The following ANKRD44 variants were observed in gnomAD, a reference collection of about 807,000 sequenced individuals.
ANKRD44 encodes ankyrin repeat domain 44, also known as serine/threonine-protein phosphatase 6 regulatory ankyrin repeat subunit B.
In ANKRD44, 35 loss-of-function variants were observed where a neutral mutation model predicts 116.0. The observed-to-expected ratio is 0.30, with a 90% CI of 0.23 to 0.40. The LOEUF (loss-of-function observed/expected upper bound fraction) is 0.40. Ranked by LOEUF, ANKRD44 falls within the 10% of genes least tolerant of loss-of-function variation. ANKRD44 has a pLI of 1.00. For missense variants in ANKRD44, 1,014 were observed against 1,242.6 expected (o/e 0.82, Z 2.77); for synonymous variants, 435 against 461.8 (o/e 0.94, Z 0.74).
At chr2:197,107,528 A>G (rs1183295270) in intron 9 of ANKRD44, among the ~76,000 whole-genome samples, 1 of 151,188 alleles carries the variant, frequency 6.6e-6, no homozygotes, top group Non-Finnish European at 1.5e-5. Context: ...TTTTTTTTTC[A>G]TTATTGTCTT....
chr2:197,098,117 G>C (rs944110365), intron 10 of ANKRD44, among the ~76,000 whole-genome samples: 3 of 151,868 alleles, frequency 2.0e-5, no homozygotes, highest in Admixed American at 6.6e-5. Flanking sequence ...ATCTTTTCTG[G>C]GGGATCCAGA....
In ANKRD44 at chr2:196,996,680, G is replaced by A. The variant is rs535739715; in HGVS notation, c.2749-1219C>T. Among the ~76,000 whole-genome samples, 5 of 152,072 alleles carry A rather than the reference G, an allele frequency of 3.3e-5. No homozygotes were observed. The East Asian group carries it at 7.7e-4, about 24-fold the overall frequency. ...AGCACTTTGGGATGCCAAGGCGGGCGGATCACGAGGTCAGGAGTTCGAGAC... is the reference window on the plus strand; with the variant it reads ...AGCACTTTGGGATGCCAAGGCGGGCAGATCACGAGGTCAGGAGTTCGAGAC... On this transcript the variant is annotated intron_variant, in intron 25 of 27. Coordinates refer to ENST00000282272, the MANE Select transcript of ANKRD44 (RefSeq NM_001195144.2).
At chr2:197,276,908 T>C (rs1037194723) in intron 1 of ANKRD44, among the ~76,000 whole-genome samples, 20 of 150,694 alleles carry the variant, frequency 1.3e-4, no homozygotes, top group South Asian at 2.1e-4. Context: ...GGATGCTCTC[T>C]GGGGCTAGAA....
intron 11 of ANKRD44, among the ~76,000 whole-genome samples, chr2:197,089,716 T>C (rs2078000427): frequency 6.6e-6 from 1 of 152,222 alleles, no homozygotes; most frequent in Admixed American, 6.5e-5. Context: ...AAGCTTTTAC[T>C]TGAAAAACAG....
chr2:197,033,087 AATC>A (rs1346311940), intron 16 of ANKRD44, among the ~76,000 whole-genome samples: 1 of 152,154 alleles, frequency 6.6e-6, no homozygotes, highest in Non-Finnish European at 1.5e-5. Flanking sequence ...TGGATTTGGG[AATC>A]ATCATCAATA....
At chr2:197,014,837 A>G (rs1227362489) in intron 17 of ANKRD44, among the ~76,000 whole-genome samples, 4 of 152,036 alleles carry the variant, frequency 2.6e-5, no homozygotes, top group Admixed American at 2.6e-4. Flanking sequence ...AACAAAACTA[A>G]AAGTCTGAAA....
At position 197,086,719 on chromosome 2, in the gene ANKRD44, C is replaced by T. The variant is rs763100328; in HGVS notation, c.1277G>A (p.Ser426Asn). The stretch of plus-strand genomic sequence containing the variant: ...CTTTTTATGGAAATCTGCTCCGCTG[C>T]TCTGCAAGAGTTTTATACATTCCAC... ...GNVECIKLLQ[S>N]SGADFHKKDK... Residue 426 changes from serine (S) to asparagine (N), a missense_variant, in exon 13 of 28, where the codon AGC becomes AAC. By Grantham distance (46) the Ser-to-Asn change is conservative. Transcript: ENST00000282272. The T allele has an allele frequency of 3.1e-6, 5 of 1,613,920 alleles. No individual in the cohort carries two copies. Among genetic ancestry groups the T allele is most frequent in the Non-Finnish European group, 4.2e-6 (5 of 1,179,872 alleles).
intron 21 of ANKRD44, among the ~76,000 whole-genome samples, chr2:196,977,940 A>T (rs1196641298): frequency 6.6e-6 from 1 of 152,198 alleles, no homozygotes; most frequent in Non-Finnish European, 1.5e-5. Context: ...GCTCAAAAGT[A>T]AAAAAACAAA....
chr2:197,264,798 T>C lies in ANKRD44; in HGVS notation c.27+45780A>G, dbSNP rs556008225. Among the ~76,000 whole-genome samples the C allele has an allele frequency of 1.2e-4, 18 of 152,274 alleles. 1 individual carries two copies. In the South Asian group the frequency reaches 3.7e-3, roughly 32 times the overall value. On this transcript the variant is annotated intron_variant, in intron 1 of 27. Coordinates refer to ENST00000282272, the MANE Select transcript of ANKRD44 (RefSeq NM_001195144.2). ...TCCTGAGGGTGATTAGAAAATAACATTTCCCAAGTTCAAGAAATCAAAACC... is the reference window on the plus strand; with the variant it reads ...TCCTGAGGGTGATTAGAAAATAACACTTCCCAAGTTCAAGAAATCAAAACC...
chr2:197,046,655 G>T (rs1038862444), intron 16 of ANKRD44, among the ~76,000 whole-genome samples: 12 of 130,856 alleles, frequency 9.2e-5, no homozygotes, highest in African/African-American at 3.1e-4. Flanking sequence ...AAAAAAAAAA[G>T]CTCCATAGTT....
intron 2 of ANKRD44, among the ~76,000 whole-genome samples, chr2:197,186,635 T>TTTTTTTTG: frequency 8.9e-6 from 1 of 111,980 alleles, no homozygotes; most frequent in Non-Finnish European, 1.7e-5. Context: ...TTTTTTTTTT[T>TTTTTTTTG]TTTTTTTTTT....
intron 6 of ANKRD44, among the ~76,000 whole-genome samples, chr2:197,123,905 T>A (rs947649879): frequency 2.6e-5 from 4 of 152,208 alleles, no homozygotes; most frequent in African/African-American, 9.7e-5. Flanking sequence ...TTTGCCCTGG[T>A]TTTGCCTATT....
At chr2:197,131,379 G>A (rs2079091993) in intron 4 of ANKRD44, among the ~76,000 whole-genome samples, 2 of 151,868 alleles carry the variant, frequency 1.3e-5, no homozygotes, top group African/African-American at 2.4e-5. Flanking sequence ...TTTTAGTAGA[G>A]ACGGGGTTTC....
chr2:197,170,168 C>T (rs1245883326), intron 2 of ANKRD44, among the ~76,000 whole-genome samples: 3 of 126,764 alleles, frequency 2.4e-5, no homozygotes, highest in Non-Finnish European at 4.8e-5. Flanking sequence ...CCAGCCTGGG[C>T]GATAGAACAA....
chr2:197,158,613 T>C (rs1350948973), intron 2 of ANKRD44, among the ~76,000 whole-genome samples: 1 of 152,154 alleles, frequency 6.6e-6, no homozygotes, highest in Non-Finnish European at 1.5e-5. Flanking sequence ...TGAAAGTTTG[T>C]CATCAGATAA....
intron 1 of ANKRD44, among the ~76,000 whole-genome samples, chr2:197,214,258 T>A (rs778205700): frequency 2.0e-5 from 3 of 152,134 alleles, no homozygotes; most frequent in Non-Finnish European, 2.9e-5. Context: ...ATATGGCACA[T>A]CAAAATGATG....
chr2:197,075,066 A>G (rs868818314), intron 16 of ANKRD44, among the ~76,000 whole-genome samples: 4 of 152,264 alleles, frequency 2.6e-5, no homozygotes, highest in Middle Eastern at 3.4e-3. Flanking sequence ...AGATTCAGAG[A>G]AGCAGCCAAA....
At chr2:197,013,386 G>A in intron 18 of ANKRD44, 125 bp downstream of exon 18, 2 of 1,057,726 alleles carry the variant, frequency 1.9e-6, no homozygotes, top group Non-Finnish European at 2.8e-6. Context: ...GTGTGGAAGT[G>A]CATCTGATGT....
intron 9 of ANKRD44, among the ~76,000 whole-genome samples, chr2:197,104,591 G>A (rs965376061): frequency 6.6e-6 from 1 of 152,136 alleles, no homozygotes; most frequent in Non-Finnish European, 1.5e-5. Context: ...TGGGGAAAGG[G>A]CATTATCTTC....
Sources: gnomAD v4.1 joint callset for allele counts (sites outside exome capture counted in the v4.1 genomes callset) on GRCh38, gnomAD v4.1.1 for gene constraint, MANE v1.5 for transcripts, NCBI Gene and HGNC (gene_info 2026-07-23, HGNC 2026-07-21) for gene names.